The following ELMO1 variants were observed in gnomAD, a reference collection of about 807,000 sequenced individuals.
The protein encoded by ELMO1 is engulfment and cell motility 1.
A neutral mutation model predicts 98.9 loss-of-function variants in ELMO1; 26 were observed. The ratio of observed to expected loss-of-function variants is 0.26; its 90% CI spans 0.19 to 0.36. The LOEUF (loss-of-function observed/expected upper bound fraction) is 0.36, where lower values mean the gene tolerates loss of function less well. Among genes scored for constraint, ELMO1 ranks in the 10% least tolerant of loss-of-function variants. The probability of loss-of-function intolerance (pLI) is 1.00; values close to 1 mark genes in which losing one functional copy is unlikely to be tolerated. For missense variants in ELMO1, 627 were observed against 935.2 expected (o/e 0.67, Z 4.30); for synonymous variants, 346 against 346.0 (o/e 1.00, Z 0.00).
At chr7:37,336,364 A>G (rs1583576903) in intron 2 of ELMO1, among the ~76,000 whole-genome samples, 2 of 152,372 alleles carry the variant, frequency 1.3e-5, no homozygotes, top group South Asian at 4.1e-4. Context: ...GTCTGTAGAC[A>G]ACTGAAGTTA....
chr7:37,013,193 C>T (rs1469155849), intron 16 of ELMO1, 106 bp downstream of exon 16: 8 of 1,398,442 alleles, frequency 5.7e-6, no homozygotes, highest in Admixed American at 4.3e-5. Flanking sequence ...CAATCTTCCT[C>T]ATTTCCCCAC....
At chr7:37,005,226 C>T (rs1212555022) in intron 16 of ELMO1, among the ~76,000 whole-genome samples, 1 of 151,610 alleles carries the variant, frequency 6.6e-6, no homozygotes, top group Non-Finnish European at 1.5e-5. Flanking sequence ...TAAAGAGATG[C>T]TGCCAGGGCT....
intron 14 of ELMO1, among the ~76,000 whole-genome samples, chr7:37,101,622 C>G (rs552545228): frequency 2.6e-5 from 4 of 152,206 alleles, no homozygotes; most frequent in African/African-American, 9.6e-5. Context: ...GAGATAAATG[C>G]AGGGGCTCTT....
chr7:36,993,357 C>T (rs1053968551), intron 16 of ELMO1, among the ~76,000 whole-genome samples: 8 of 152,176 alleles, frequency 5.3e-5, no homozygotes, highest in African/African-American at 1.4e-4. Context: ...ATATCAGCAA[C>T]AACACATAAC....
chr7:37,428,975 C>T (rs964325731), intron 1 of ELMO1, among the ~76,000 whole-genome samples: 4 of 152,188 alleles, frequency 2.6e-5, no homozygotes, highest in Non-Finnish European at 5.9e-5. Flanking sequence ...TTTCTCTGTG[C>T]AACTCTATTT....
chr7:37,253,980 T>C (rs1291571535), intron 6 of ELMO1, among the ~76,000 whole-genome samples: 1 of 152,242 alleles, frequency 6.6e-6, no homozygotes, highest in African/African-American at 2.4e-5. Context: ...TTCCTGTTAA[T>C]TAATTGAAGT....
At chr7:37,134,289 T>G (rs117037045) in intron 13 of ELMO1, among the ~76,000 whole-genome samples, 4,322 of 152,198 alleles carry the variant, frequency 0.028, 90 homozygotes, top group Non-Finnish European at 0.04. Flanking sequence ...AAAGAAATAA[T>G]TGGCTGGGCA....
At chr7:37,246,886 A>G (rs919761846) in intron 6 of ELMO1, among the ~76,000 whole-genome samples, 12 of 151,988 alleles carry the variant, frequency 7.9e-5, no homozygotes, top group Non-Finnish European at 1.6e-4. Context: ...CTATCTATCT[A>G]TCTATCTATA....
At chr7:37,313,940 T>A (rs1256351382) in intron 4 of ELMO1, among the ~76,000 whole-genome samples, 1 of 152,214 alleles carries the variant, frequency 6.6e-6, no homozygotes, top group African/African-American at 2.4e-5. Context: ...GGGCTGTTCC[T>A]TCCCTCCCTG....
At chr7:37,051,872 T>C (rs1368028025) in intron 15 of ELMO1, among the ~76,000 whole-genome samples, 2 of 152,224 alleles carry the variant, frequency 1.3e-5, no homozygotes, top group Admixed American at 6.5e-5. Context: ...TATCCTTCTC[T>C]CTAGGACAAT....
chr7:36,855,507 T>C lies in ELMO1; in HGVS notation c.*44A>G. 6 of 1,610,850 alleles carry C rather than the reference T, an allele frequency of 3.7e-6. No homozygotes were observed. Among genetic ancestry groups the C allele is most frequent in the East Asian group, 2.2e-5 (1 of 44,848 alleles). On this transcript the variant is annotated 3_prime_UTR_variant, in exon 22 of 22. Coordinates refer to ENST00000310758, the MANE Select transcript of ELMO1 (RefSeq NM_014800.11). This position sits in a 1 kb window ranked among gnomAD's most constrained non-coding sequence, Gnocchi z 4.2. Reference sequence around the variant, plus strand: ...GTTTTCATTCCTCTCTCCTGTTAGCTAGGTGTTCCAGTTTTGGAAGGGGCA... The same window carrying C: ...GTTTTCATTCCTCTCTCCTGTTAGCCAGGTGTTCCAGTTTTGGAAGGGGCA...
chr7:37,110,171 T>C (rs961163747), intron 14 of ELMO1, among the ~76,000 whole-genome samples: 3 of 152,238 alleles, frequency 2.0e-5, no homozygotes, highest in Non-Finnish European at 2.9e-5. Flanking sequence ...AGATGTTACA[T>C]GCCAAAAAGG....
At chr7:37,312,102 T>G (rs1354552894) in intron 4 of ELMO1, among the ~76,000 whole-genome samples, 1 of 152,206 alleles carries the variant, frequency 6.6e-6, no homozygotes, top group African/African-American at 2.4e-5. Flanking sequence ...TGTTGTTGTT[T>G]TTGTTTTTGA....
At chr7:37,110,316 A>G (rs1785180498) in intron 14 of ELMO1, among the ~76,000 whole-genome samples, 1 of 152,234 alleles carries the variant, frequency 6.6e-6, no homozygotes, top group Admixed American at 6.5e-5. Flanking sequence ...ACAGGTGCCC[A>G]GGGAACACCA....
At chr7:37,047,832 G>A (rs1340155978) in intron 15 of ELMO1, among the ~76,000 whole-genome samples, 1 of 151,616 alleles carries the variant, frequency 6.6e-6, no homozygotes, top group Non-Finnish European at 1.5e-5. Context: ...AATTCATACA[G>A]TACAGACTAG....
chr7:37,416,105 A>C (rs1408760532), intron 1 of ELMO1, among the ~76,000 whole-genome samples: 6 of 152,166 alleles, frequency 3.9e-5, no homozygotes, highest in Non-Finnish European at 8.8e-5. Context: ...AAATGAACTA[A>C]CTAGAGATAA....
chr7:37,433,574 T>G (rs1055032306), intron 1 of ELMO1, among the ~76,000 whole-genome samples: 2 of 152,050 alleles, frequency 1.3e-5, no homozygotes, highest in African/African-American at 4.8e-5. Context: ...CCCTTAATAT[T>G]CACTTCAACC....
At chr7:37,071,481 G>C (rs549462017) in intron 15 of ELMO1, among the ~76,000 whole-genome samples, 17 of 152,120 alleles carry the variant, frequency 1.1e-4, no homozygotes, top group South Asian at 8.3e-4. Flanking sequence ...GTCTTGAGTG[G>C]GACTATAGTT....
At chr7:37,069,974 C>A (rs1797185878) in intron 15 of ELMO1, among the ~76,000 whole-genome samples, 1 of 152,088 alleles carries the variant, frequency 6.6e-6, no homozygotes, top group Non-Finnish European at 1.5e-5. Flanking sequence ...AGAATTTTAT[C>A]AGTTGTCAGA....
Sources: allele counts gnomAD v4.1 joint callset (sites outside exome capture counted in the v4.1 genomes callset), GRCh38; gene constraint gnomAD v4.1.1; non-coding constraint Gnocchi (gnomAD v3.1); transcripts MANE v1.5; gene names NCBI Gene and HGNC (gene_info 2026-07-23, HGNC 2026-07-21).